Variants in EP400 observed in about 807,000 individuals in gnomAD.
The protein encoded by EP400 is E1A binding protein p400, also known as E1A-binding protein p400.
A neutral mutation model predicts 354.1 loss-of-function variants in EP400; 105 were observed. That is an observed-to-expected ratio of 0.30 (90% CI 0.25 to 0.35). The LOEUF (loss-of-function observed/expected upper bound fraction) is 0.35. EP400 is among the 10% of genes least tolerant of loss of function. The pLI, the probability that EP400 is intolerant of heterozygous loss-of-function variation, is 1.00. For missense variants in EP400, 3,280 were observed against 4,121.0 expected, an observed-to-expected ratio of 0.80 and a Z score of 5.59; for synonymous variants, 1,646 against 1,716.9, an observed-to-expected ratio of 0.96 and a Z score of 1.02.
chr12:132,075,763 G>C lies in EP400; in HGVS notation c.9022-753G>C, dbSNP rs1896215284. 6.6e-6 allele frequency: 1 copy of C among 152,224 alleles called. No individual in the cohort carries two copies. Among genetic ancestry groups the C allele is most frequent in the African/African-American group, 2.4e-5 (1 of 41,432 alleles). 9.4% of individuals were successfully genotyped at this position (152,224 alleles called of 1,614,324 possible). A position where few individuals can be genotyped will look rare whatever the true frequency, so the allele number is the denominator to read the frequency against. ...GAAATATTATTTTCATCCGTTTTCT[G>C]TAAGTAACAGGACCCAGCAAGAGAC... is the stretch of plus-strand genomic sequence containing the variant. On this transcript the variant is annotated intron_variant, in intron 51 of 52. Coordinates refer to ENST00000389561, the MANE Select transcript of EP400 (RefSeq NM_015409.5). The surrounding 1 kb of genome is among the most constrained non-coding windows in gnomAD (Gnocchi z 4.5).
intron 32 of EP400, among the ~76,000 whole-genome samples, chr12:132,041,108 G>A (rs892039961): frequency 6.6e-6 from 1 of 152,232 alleles, no homozygotes; most frequent in African/African-American, 2.4e-5. Context: ...GGACAGAGAG[G>A]TAGGTTAGCC....
In EP400 at chr12:132,027,712, A is replaced by G. The variant is rs1412424320; in HGVS notation, c.5109+181A>G. 6.6e-6 allele frequency among the ~76,000 whole-genome samples: 1 copy of G among 152,212 alleles called. No individual in the cohort carries two copies. Among genetic ancestry groups the G allele is most frequent in the Non-Finnish European group, 1.5e-5 (1 of 68,040 alleles). ...TGAAACTGGACTTACGACTGCCACA[A>G]TCTTTTTTTGTATTTTTTATGTCCT... On this transcript the variant is annotated intron_variant, in intron 26 of 52. Transcript: ENST00000389561. The surrounding 1 kb of genome is among the most constrained non-coding windows in gnomAD (Gnocchi z 4.9).
chr12:132,030,505 G>A (rs1314083922), intron 29 of EP400, among the ~76,000 whole-genome samples: 2 of 152,194 alleles, frequency 1.3e-5, no homozygotes, highest in Non-Finnish European at 2.9e-5. Flanking sequence ...TATGCCCATT[G>A]TTTACTTACA....
At position 132,043,637 on chromosome 12, in the gene EP400, T is replaced by C; in HGVS notation, c.6367-8T>C. On this transcript the variant is annotated splice_polypyrimidine_tract_variant and splice_region_variant and intron_variant, in intron 33 of 52. Coordinates refer to ENST00000389561, the MANE Select transcript of EP400 (RefSeq NM_015409.5). ...TAACCCTATTCAAAAAATATACTTT[T>C]GGAACAGCTTACACCAATTGAAAAA... 1 of 1,602,360 alleles carries C rather than the reference T, an allele frequency of 6.2e-7. No homozygotes were observed. The highest frequency in any genetic ancestry group is 8.5e-7 in the Non-Finnish European group (1 of 1,176,752).
At chr12:132,047,563 T>C (rs1895148560) in intron 39 of EP400, among the ~76,000 whole-genome samples, 1 of 150,964 alleles carries the variant, frequency 6.6e-6, no homozygotes, top group African/African-American at 2.4e-5. Flanking sequence ...GGGGAGGGAG[T>C]GTATGAATAG....
Position 132,029,787 on chromosome 12 carries a change from G to A in EP400, c.5468G>A (p.Arg1823Lys), listed in dbSNP as rs770885490. 3.7e-6 allele frequency: 6 copies of A among 1,613,608 alleles called. No homozygotes were observed. In the South Asian group the frequency reaches 5.5e-5, roughly 15 times the overall value. ...RPPPLYSHRM[R>K]ILRQGLREHA... ...CCACCCCTGTACAGCCACAGAATGA[G>A]GATCTTGAGGCAGGGCCTGAGAGAG... Residue 1823 changes from arginine (R) to lysine (K), a missense_variant, in exon 28 of 53, where the codon AGG (arginine) becomes AAG (lysine). By Grantham distance (26) the Arg-to-Lys change is conservative. Transcript: ENST00000389561. This position sits in a 1 kb window ranked among gnomAD's most constrained non-coding sequence, Gnocchi z 4.7.
chr12:131,973,773 C>G (rs573391146), intron 2 of EP400, among the ~76,000 whole-genome samples: 1 of 152,196 alleles, frequency 6.6e-6, no homozygotes, highest in South Asian at 2.1e-4. Flanking sequence ...GCGTGTATTT[C>G]TCTTTGTTTC....
chr12:132,017,495 G>A lies in EP400; in HGVS notation c.3924-40G>A, dbSNP rs375930566. The A allele has an allele frequency of 3.4e-5, 54 of 1,605,374 alleles. No homozygotes were observed. Among genetic ancestry groups the A allele is most frequent in the East Asian group, 3.1e-4 (14 of 44,756 alleles). On this transcript the variant is annotated intron_variant, in intron 19 of 52. Coordinates refer to ENST00000389561, the MANE Select transcript of EP400 (RefSeq NM_015409.5). The surrounding 1 kb of genome is among the most constrained non-coding windows in gnomAD (Gnocchi z 5.0). ...GAGGGTGGGACTATGTCCATGTGCC[G>A]TTTGGATTGAATGCTTCGTGTTTCT...
At chr12:132,069,689 G>T in intron 51 of EP400, 48 bp downstream of exon 51, 1 of 1,606,760 alleles carries the variant, frequency 6.2e-7, no homozygotes, top group Non-Finnish European at 8.5e-7. Context: ...GTGGGTGCCC[G>T]GCCTTTGGAT....
rs752754894 is a variant in EP400, at chr12:132,052,511, T to C, written c.7395-635T>C. Among the ~76,000 whole-genome samples the C allele has an allele frequency of 1.2e-4, 18 of 152,224 alleles. No homozygotes were observed. The highest frequency in any genetic ancestry group is 3.9e-4 in the Admixed American group (6 of 15,286). ...TGTTTTCAGAGCGCACTGTTGAGAA[T>C]TGCAGCCCCGCCCTGCTGTTTTCCT... On this transcript the variant is annotated intron_variant, in intron 41 of 52. Coordinates refer to ENST00000389561, the MANE Select transcript of EP400 (RefSeq NM_015409.5). The surrounding 1 kb of genome is among the most constrained non-coding windows in gnomAD (Gnocchi z 4.4).
chr12:132,044,067 G>A, intron 34 of EP400, 110 bp from the exon 35 acceptor site: 3 of 1,444,904 alleles, frequency 2.1e-6, no homozygotes, highest in Non-Finnish European at 2.8e-6. Flanking sequence ...GGAGCAGTGT[G>A]TGTAGAGAAC....
At chr12:131,973,319 A>G (rs565442196) in intron 2 of EP400, among the ~76,000 whole-genome samples, 1 of 152,304 alleles carries the variant, frequency 6.6e-6, no homozygotes, top group South Asian at 2.1e-4. Flanking sequence ...GTGTTTAGCT[A>G]AAAGTGCTGC....
At chr12:131,997,719 G>A (rs111838297) in intron 12 of EP400, among the ~76,000 whole-genome samples, 2,189 of 150,684 alleles carry the variant, frequency 0.015, 50 homozygotes, top group African/African-American at 0.051. Context: ...TCATCTTCAC[G>A]TTGAGTAGGA....
In EP400 at chr12:131,990,049, G is replaced by A. The variant is rs769995941; in HGVS notation, c.2495G>A (p.Arg832Gln). The change falls in exon 8 of 53, where the codon CGG (arginine) becomes CAG (glutamine). Residue 832 changes from arginine (R) to glutamine (Q), a missense_variant. By Grantham distance (43) the Arg-to-Gln change is conservative. Around this residue, in one of 20 missense-constraint regions of EP400, gnomAD observed 800 missense variants for 840.0 expected, o/e 0.95. Coordinates refer to ENST00000389561, the MANE Select transcript of EP400 (RefSeq NM_015409.5). The surrounding 1 kb of genome is among the most constrained non-coding windows in gnomAD (Gnocchi z 4.2). Reference protein sequence around the residue: ...GKKEEQSRLRRIAASTAREIE... With the variant: ...GKKEEQSRLRQIAASTAREIE... ...AAGGAAGAGCAGAGCAGACTGAGGC[G>A]GATAGCCGCCTCCACGGCCCGGGAG... The A allele has an allele frequency of 9.3e-5, 150 of 1,613,106 alleles. 2 individuals are homozygous for A. In the South Asian group the frequency reaches 1.5e-3, roughly 16 times the overall value.
At chr12:132,056,564 G>A (rs1214045906) in intron 45 of EP400, among the ~76,000 whole-genome samples, 1 of 152,190 alleles carries the variant, frequency 6.6e-6, no homozygotes, top group African/African-American at 2.4e-5. Context: ...GCCTTGGCCC[G>A]TAACTCACAC....
chr12:132,062,143 C>T lies in EP400; in HGVS notation c.7918C>T (p.His2640Tyr). 1.2e-6 allele frequency: 2 copies of T among 1,613,746 alleles called. No individual in the cohort carries two copies. Among genetic ancestry groups the T allele is most frequent in the Middle Eastern group, 1.7e-4 (1 of 6,028 alleles). Residue 2640 changes from histidine (H) to tyrosine (Y), a missense_variant, in exon 46 of 53, where the codon CAC (histidine) becomes TAC (tyrosine). His to Tyr is a moderately conservative substitution (Grantham distance 83). Transcript: ENST00000389561. ...AGGCTCTGCTCCCGCCCAGGTGGTG[C>T]ACACCCAGCCCCCGCCACGGGCAGT... ...PGGSAPAQVV[H>Y]TQPPPRAVGS...
chr12:131,972,251 C>A (rs1274355447), intron 2 of EP400, among the ~76,000 whole-genome samples: 1 of 151,650 alleles, frequency 6.6e-6, no homozygotes, highest in Non-Finnish European at 1.5e-5. Flanking sequence ...CTCCTGGGTT[C>A]ACGCCATTCT....
rs780340298 is a variant in EP400, at chr12:131,960,990, C to T, written c.371C>T (p.Thr124Met). The change falls in exon 2 of 53, where the codon ACG (threonine) becomes ATG (methionine). Residue 124 changes from threonine (T) to methionine (M), a missense_variant. Coordinates refer to ENST00000389561, the MANE Select transcript of EP400 (RefSeq NM_015409.5). ...EHGSPSYIQV[T>M]SPLSQQVQTQ... The stretch of plus-strand genomic sequence containing the variant: ...GGGTCTCCATCATACATTCAGGTCA[C>T]GTCCCCCTTGTCCCAGCAGGTCCAG... 1.4e-5 allele frequency: 23 copies of T among 1,606,382 alleles called. No homozygotes were observed. Among genetic ancestry groups the T allele is most frequent in the African/African-American group, 2.7e-5 (2 of 74,510 alleles).
rs376865111 is a variant in EP400 at position 132,013,192 on chromosome 12, G to A, written c.3611+14G>A. 105 of 1,597,542 alleles carry A rather than the reference G, an allele frequency of 6.6e-5. No individual in the cohort carries two copies. In the African/African-American group the frequency reaches 7.9e-4, roughly 12 times the overall value. ...CACCCTGCAGAGGTCTGTGTGTTAC[G>A]CGCTTGTCATTGAGTGTTCTTTGCT... On this transcript the variant is annotated intron_variant, in intron 17 of 52. Transcript: ENST00000389561. This position sits in a 1 kb window ranked among gnomAD's most constrained non-coding sequence, Gnocchi z 4.5.
Sources: allele counts gnomAD v4.1 joint callset (sites outside exome capture counted in the v4.1 genomes callset), GRCh38; gene constraint gnomAD v4.1.1; regional missense constraint gnomAD v4.1.1; non-coding constraint Gnocchi (gnomAD v3.1); transcripts MANE v1.5; gene names NCBI Gene and HGNC (gene_info 2026-07-23, HGNC 2026-07-21).